The following RHOA variants were observed in gnomAD, a reference collection of about 807,000 sequenced individuals.
The protein encoded by RHOA is transforming protein RhoA.
In RHOA, 3 loss-of-function variants were observed where a neutral mutation model predicts 17.5. The ratio of observed to expected loss-of-function variants is 0.17; its 90% CI spans 0.08 to 0.44. RHOA has a LOEUF of 0.44. Ranked by LOEUF, RHOA falls within the 20% of genes least tolerant of loss-of-function variation. RHOA has a pLI of 0.99. For synonymous variants in RHOA, 98 were observed against 88.4 expected (o/e 1.11, Z -0.61); for missense variants, 56 against 242.3 (o/e 0.23, Z 5.10).
chr3:49,402,341 C>T (rs532902159), intron 1 of RHOA, among the ~76,000 whole-genome samples: 1 of 152,046 alleles, frequency 6.6e-6, no homozygotes, highest in East Asian at 1.9e-4. Flanking sequence ...TTTATATATG[C>T]TTATTGTAAA....
intron 1 of RHOA, among the ~76,000 whole-genome samples, chr3:49,389,975 A>G (rs1394931459): frequency 1.3e-5 from 2 of 151,590 alleles, no homozygotes; most frequent in Non-Finnish European, 2.9e-5. Context: ...ACAAAACAGT[A>G]AGACTTGATT....
chr3:49,404,771 T>C (rs910673213), intron 1 of RHOA, among the ~76,000 whole-genome samples: 1 of 109,164 alleles, frequency 9.2e-6, no homozygotes, highest in Non-Finnish European at 1.9e-5. Context: ...TCTACTAAAA[T>C]ACAAAAAAAA....
At chr3:49,397,975 C>T (rs1295802372) in intron 1 of RHOA, among the ~76,000 whole-genome samples, 5 of 152,174 alleles carry the variant, frequency 3.3e-5, no homozygotes, top group African/African-American at 9.7e-5. Flanking sequence ...AAAGCAGCCA[C>T]CTTTGAGGTC....
intron 1 of RHOA, among the ~76,000 whole-genome samples, chr3:49,408,502 G>A (rs890187886): frequency 6.6e-6 from 1 of 152,128 alleles, no homozygotes; most frequent in African/African-American, 2.4e-5. Context: ...TTCAGTGCCT[G>A]ATTTTCAGTC....
chr3:49,399,934 G>T (rs2048693693), intron 1 of RHOA, among the ~76,000 whole-genome samples: 1 of 151,894 alleles, frequency 6.6e-6, no homozygotes, highest in Non-Finnish European at 1.5e-5. Context: ...AGAAACTACA[G>T]AAACGGCTGG....
At chr3:49,407,153 G>A (rs2048844235) in intron 1 of RHOA, among the ~76,000 whole-genome samples, 1 of 150,388 alleles carries the variant, frequency 6.6e-6, no homozygotes, top group African/African-American at 2.4e-5. Context: ...CAAGAGAAGA[G>A]AAGAGAAGAA....
chr3:49,387,756 A>C (rs969188596), intron 1 of RHOA, among the ~76,000 whole-genome samples: 9 of 151,502 alleles, frequency 5.9e-5, no homozygotes, highest in East Asian at 5.8e-4. Context: ...AAAAAAACAA[A>C]AAAAAAAACC....
intron 2 of RHOA, among the ~76,000 whole-genome samples, chr3:49,374,617 G>C (rs79404516): frequency 0.024 from 3,679 of 152,126 alleles, 158 homozygotes; most frequent in African/African-American, 0.085. Flanking sequence ...CTCTACTCTG[G>C]AGGCTGAGGC....
chr3:49,360,758 T>TAA, intron 4 of RHOA, among the ~76,000 whole-genome samples: 1 of 135,616 alleles, frequency 7.4e-6, no homozygotes, highest in Non-Finnish European at 1.6e-5. Flanking sequence ...GTACCCAGCC[T>TAA]AAAAAAAAAA....
intron 2 of RHOA, among the ~76,000 whole-genome samples, chr3:49,371,883 TC>T (rs1369883981): frequency 6.6e-6 from 1 of 152,078 alleles, no homozygotes; most frequent in Non-Finnish European, 1.5e-5. Flanking sequence ...AAATAATGTT[TC>T]CAAGAGAACC....
At chr3:49,389,369 C>A (rs533532788) in intron 1 of RHOA, among the ~76,000 whole-genome samples, 2 of 151,996 alleles carry the variant, frequency 1.3e-5, no homozygotes, top group East Asian at 1.9e-4. Flanking sequence ...TAGGGACTCT[C>A]CAGGCAGAAC....
intron 3 of RHOA, chr3:49,365,000 A>C (rs1208773065): frequency 6.6e-6 from 1 of 152,144 alleles, no homozygotes; most frequent in Non-Finnish European, 1.5e-5. Context: ...TAAATAAAAC[A>C]AAACAGCATA....
intron 1 of RHOA, among the ~76,000 whole-genome samples, chr3:49,403,668 T>C (rs2048764695): frequency 6.6e-6 from 1 of 152,066 alleles, no homozygotes; most frequent in Non-Finnish European, 1.5e-5. Flanking sequence ...GAGGATGTAG[T>C]AAGCCATGAT....
intron 1 of RHOA, among the ~76,000 whole-genome samples, chr3:49,409,897 A>G (rs2048903940): frequency 6.6e-6 from 1 of 152,158 alleles, no homozygotes; most frequent in African/African-American, 2.4e-5. Flanking sequence ...AGCCTGACCT[A>G]AATATCTTGG....
rs1215093760 is a variant in RHOA, at chr3:49,360,124, A to G, written c.*85T>C. The stretch of plus-strand genomic sequence containing the variant: ...GTAATCTTAGGTAAATTATAGATAA[A>G]TGAAAAAGGCCAGTAATCATACACT... On this transcript the variant is annotated 3_prime_UTR_variant, in exon 5 of 5. Transcript: ENST00000418115. The G allele has an allele frequency of 7.4e-7, 1 of 1,343,748 alleles. No individual in the cohort carries two copies. The highest frequency in any genetic ancestry group is 1.0e-6 in the Non-Finnish European group (1 of 979,270). The allele number at this position is 1,343,748 out of a possible 1,614,324, so 83.2% of individuals were successfully genotyped here.
chr3:49,371,115 G>A (rs976704975), intron 2 of RHOA, among the ~76,000 whole-genome samples: 8 of 151,974 alleles, frequency 5.3e-5, no homozygotes, highest in Admixed American at 1.3e-4. Flanking sequence ...TCCACCCCAC[G>A]GTGTTTAGTC....
chr3:49,377,970 A>G (rs949936193), intron 1 of RHOA, among the ~76,000 whole-genome samples: 1 of 151,778 alleles, frequency 6.6e-6, no homozygotes, highest in Non-Finnish European at 1.5e-5. Flanking sequence ...CCAACCCAGC[A>G]AAACCCCGTT....
At chr3:49,377,490 G>C (rs909855127) in intron 1 of RHOA, among the ~76,000 whole-genome samples, 4 of 151,976 alleles carry the variant, frequency 2.6e-5, no homozygotes, top group African/African-American at 9.7e-5. Flanking sequence ...TTACTTGGGA[G>C]GCTCAGGTGG....
At chr3:49,396,989 G>T (rs1286629623) in intron 1 of RHOA, among the ~76,000 whole-genome samples, 1 of 151,800 alleles carries the variant, frequency 6.6e-6, no homozygotes, top group African/African-American at 2.4e-5. Context: ...TATTACCCAG[G>T]CGTGGTAGCA....
Sources: allele counts gnomAD v4.1 joint callset (sites outside exome capture counted in the v4.1 genomes callset), GRCh38; gene constraint gnomAD v4.1.1; transcripts MANE v1.5; gene names NCBI Gene and HGNC (gene_info 2026-07-23, HGNC 2026-07-21).